The following UMAD1 variants were observed in gnomAD, a reference collection of about 807,000 sequenced individuals.
UMAD1 encodes the protein UBAP1-MVB12-associated (UMA) domain containing 1, also known as UBAP1-MVB12-associated (UMA)-domain containing protein 1.
UMAD1 carries 8 observed loss-of-function variants against 6.1 expected under a neutral mutation model. The ratio of observed to expected loss-of-function variants is 1.30; its 90% CI spans 0.76 to 2.35. UMAD1 has a LOEUF of 2.35. Ranked by LOEUF, UMAD1 falls within the 30% of genes most tolerant of loss-of-function variation. The pLI is 0.00. For synonymous variants in UMAD1, 56 were observed against 31.4 expected, an observed-to-expected ratio of 1.78 and a Z score of -2.61; for missense variants, 130 against 78.4, an observed-to-expected ratio of 1.66 and a Z score of -2.49.
chr7:7,690,985 T>C (rs1172852802), intron 2 of UMAD1, among the ~76,000 whole-genome samples: 1 of 152,226 alleles, frequency 6.6e-6, no homozygotes, highest in Non-Finnish European at 1.5e-5. Flanking sequence ...TTTCTGCTCC[T>C]TCTAGGTCTC....
At chr7:7,752,259 G>T (rs1781692312) in intron 2 of UMAD1, among the ~76,000 whole-genome samples, 1 of 152,056 alleles carries the variant, frequency 6.6e-6, no homozygotes, top group Admixed American at 6.5e-5. Flanking sequence ...TTCTAATAGA[G>T]ATAATAAATA....
chr7:7,784,684 TAAAC>T (rs1000877360), intron 2 of UMAD1, among the ~76,000 whole-genome samples: 3 of 150,496 alleles, frequency 2.0e-5, no homozygotes, highest in Non-Finnish European at 3.0e-5. Context: ...TATCAGAAAA[TAAAC>T]AAGACCAACC....
intron 2 of UMAD1, among the ~76,000 whole-genome samples, chr7:7,695,434 C>T (rs540175490): frequency 6.6e-6 from 1 of 151,504 alleles, no homozygotes; most frequent in Non-Finnish European, 1.5e-5. Context: ...AGACATAATA[C>T]GTTGATTTTT....
chr7:7,788,820 G>C (rs532482352), intron 2 of UMAD1, among the ~76,000 whole-genome samples: 2 of 152,092 alleles, frequency 1.3e-5, no homozygotes, highest in Non-Finnish European at 2.9e-5. Flanking sequence ...GTGACATCAA[G>C]ACTTAAGAAG....
chr7:7,751,741 G>T (rs544644076), intron 2 of UMAD1, among the ~76,000 whole-genome samples: 1 of 152,224 alleles, frequency 6.6e-6, no homozygotes, highest in South Asian at 2.1e-4. Context: ...TAGGTTTCAG[G>T]ACCTCTGACT....
At chr7:7,729,514 C>G (rs1245149068) in intron 2 of UMAD1, among the ~76,000 whole-genome samples, 1 of 152,226 alleles carries the variant, frequency 6.6e-6, no homozygotes, top group East Asian at 1.9e-4. Context: ...TCTGCCACTT[C>G]AGGCTATTTC....
At chr7:7,656,749 G>A (rs12155316) in intron 1 of UMAD1, among the ~76,000 whole-genome samples, 62,656 of 151,918 alleles carry the variant, frequency 0.41, 14,146 homozygotes, top group East Asian at 0.88. Flanking sequence ...CAAGTCTGCT[G>A]TTGTGAACAG....
At chr7:7,847,086 GC>G (rs1563255337) in intron 3 of UMAD1, among the ~76,000 whole-genome samples, 1 of 6,254 alleles carries the variant, frequency 1.6e-4, no homozygotes, top group East Asian at 4.3e-3. Context: ...AGACAGCAAT[GC>G]AAAAAAAAAA....
chr7:7,723,667 C>A (rs933595542), intron 2 of UMAD1, among the ~76,000 whole-genome samples: 5 of 152,210 alleles, frequency 3.3e-5, no homozygotes, highest in African/African-American at 1.2e-4. Context: ...TATGTCAGAA[C>A]TAACAGTGGC....
intron 2 of UMAD1, among the ~76,000 whole-genome samples, chr7:7,766,475 C>G (rs1268251109): frequency 6.6e-6 from 1 of 152,174 alleles, no homozygotes; most frequent in Admixed American, 6.5e-5. Flanking sequence ...CTTGCTGTTA[C>G]TCACATAATA....
At chr7:7,729,790 A>G (rs1371040380) in intron 2 of UMAD1, among the ~76,000 whole-genome samples, 3 of 152,164 alleles carry the variant, frequency 2.0e-5, no homozygotes, top group Non-Finnish European at 4.4e-5. Flanking sequence ...CTTGCTCCAG[A>G]TTATATAATC....
intron 2 of UMAD1, among the ~76,000 whole-genome samples, chr7:7,787,348 A>G (rs1365217288): frequency 2.6e-5 from 4 of 152,258 alleles, no homozygotes; most frequent in African/African-American, 9.6e-5. Context: ...AAATGACTCC[A>G]GATTTTTTGA....
chr7:7,731,491 C>CCCCA (rs1554321024), intron 2 of UMAD1, among the ~76,000 whole-genome samples: 113 of 134,566 alleles, frequency 8.4e-4, no homozygotes, highest in Middle Eastern at 3.9e-3. Context: ...AACCCCCCCC[C>CCCCA]AAAAAAAAAA....
intron 2 of UMAD1, among the ~76,000 whole-genome samples, chr7:7,720,763 T>A (rs1460504154): frequency 6.6e-6 from 1 of 152,230 alleles, no homozygotes; most frequent in Non-Finnish European, 1.5e-5. Context: ...CAGTGAAGGC[T>A]AAGTGCAGGT....
At chr7:7,712,987 C>T (rs1780805252) in intron 2 of UMAD1, among the ~76,000 whole-genome samples, 1 of 152,030 alleles carries the variant, frequency 6.6e-6, no homozygotes, top group African/African-American at 2.4e-5. Context: ...TTGATAATTG[C>T]AGACTAGCCT....
At chr7:7,787,216 T>A (rs1424865316) in intron 2 of UMAD1, among the ~76,000 whole-genome samples, 1 of 152,172 alleles carries the variant, frequency 6.6e-6, no homozygotes, top group East Asian at 1.9e-4. Context: ...GTGGAATTTG[T>A]TGGTAATTAG....
rs560207272 is a variant in UMAD1 at position 7,717,432 on chromosome 7, C to A, written c.82+43979C>A. Among the ~76,000 whole-genome samples, 12 of 152,280 alleles carry A rather than the reference C, an allele frequency of 7.9e-5. No individual in the cohort carries two copies. In the South Asian group the frequency reaches 2.3e-3, roughly 29 times the overall value. On this transcript the variant is annotated intron_variant, in intron 2 of 3. Transcript: ENST00000682710. ...TGTCCTCGTCCTTCAGTTTCTTTGGCGTGAGACGATAACCTCAGGTATTTA... is the reference window on the plus strand; with the variant it reads ...TGTCCTCGTCCTTCAGTTTCTTTGGAGTGAGACGATAACCTCAGGTATTTA...
chr7:7,664,916 A>G lies in UMAD1; in HGVS notation c.-63-8393A>G, dbSNP rs550597317. Among the ~76,000 whole-genome samples, 4 of 152,316 alleles carry G rather than the reference A, an allele frequency of 2.6e-5. 1 individual carries two copies. Among genetic ancestry groups the G allele is most frequent in the African/African-American group, 9.6e-5 (4 of 41,574 alleles). On this transcript the variant is annotated intron_variant, in intron 1 of 3. Transcript: ENST00000682710. Reference sequence around the variant, plus strand: ...TCACTGTACAAAAGGAGGAAGGTTAAACATCGTTCAGGATTTTAATTTTTC... The same window carrying G: ...TCACTGTACAAAAGGAGGAAGGTTAGACATCGTTCAGGATTTTAATTTTTC...
intron 3 of UMAD1, among the ~76,000 whole-genome samples, chr7:7,837,702 T>C (rs1022386164): frequency 3.9e-5 from 5 of 129,454 alleles, no homozygotes; most frequent in African/African-American, 1.4e-4. Context: ...CATAACAAGA[T>C]GATAGAACAA....
Sources: gnomAD v4.1 joint callset for allele counts (sites outside exome capture counted in the v4.1 genomes callset) on GRCh38, gnomAD v4.1.1 for gene constraint, MANE v1.5 for transcripts, NCBI Gene and HGNC (gene_info 2026-07-23, HGNC 2026-07-21) for gene names.